The following CFTR variants were observed in gnomAD, a reference collection of about 807,000 sequenced individuals.
The protein encoded by CFTR is cystic fibrosis transmembrane conductance regulator.
Under a neutral mutation model 171.6 loss-of-function variants are expected in CFTR, and 181 were observed. The observed-to-expected ratio is 1.05, with a 90% CI of 0.93 to 1.19. The LOEUF (loss-of-function observed/expected upper bound fraction) is 1.19. Among genes scored for constraint, CFTR ranks in the 50% most tolerant of loss-of-function variants. The probability of loss-of-function intolerance (pLI) is 0.00; values close to 1 mark genes in which losing one functional copy is unlikely to be tolerated. For missense variants in CFTR, 1,968 were observed against 1,734.7 expected (o/e 1.13, Z -2.39); for synonymous variants, 583 against 608.0 (o/e 0.96, Z 0.60).
At chr7:117,528,046 C>G (rs984932382) in intron 3 of CFTR, among the ~76,000 whole-genome samples, 1 of 135,372 alleles carries the variant, frequency 7.4e-6, no homozygotes, top group Non-Finnish European at 1.6e-5. Context: ...AAAAAGAGCC[C>G]GCATCGCCAA....
chr7:117,656,156 A>C (rs1012228546), intron 24 of CFTR, among the ~76,000 whole-genome samples: 2 of 152,138 alleles, frequency 1.3e-5, no homozygotes, highest in African/African-American at 4.8e-5. Context: ...CGACTCCACT[A>C]TACTGGGATT....
intron 21 of CFTR, among the ~76,000 whole-genome samples, chr7:117,619,986 G>A (rs1240920779): frequency 6.6e-6 from 1 of 152,170 alleles, no homozygotes; most frequent in Non-Finnish European, 1.5e-5. Flanking sequence ...GGGGAACCTG[G>A]CTTTTCTGCA....
At chr7:117,548,862 G>T in intron 10 of CFTR, 39 bp downstream of exon 10, 1 of 1,580,528 alleles carries the variant, frequency 6.3e-7, no homozygotes, top group South Asian at 1.1e-5. Flanking sequence ...ACTTAATTTG[G>T]TGTCCATGTC....
rs1798848823 is a variant in CFTR at position 117,530,909 on chromosome 7, A to G, written c.284A>G (p.Lys95Arg). 1.2e-6 allele frequency: 2 copies of G among 1,611,296 alleles called. No homozygotes were observed. Among genetic ancestry groups the G allele is most frequent in the Non-Finnish European group, 1.7e-6 (2 of 1,177,904 alleles). The change falls in exon 4 of 27, where the codon AAA (lysine) becomes AGA (arginine). Residue 95 changes from lysine (K) to arginine (R), a missense_variant. Lys to Arg is a conservative substitution (Grantham distance 26). Coordinates refer to ENST00000003084, the MANE Select transcript of CFTR (RefSeq NM_000492.4). ...GIFLYLGEVT[K>R]AVQPLLLGRI... ...TTTCCCCTTTTGTAGGAAGTCACCA[A>G]AGCAGTACAGCCTCTCTTACTGGGA...
At chr7:117,621,541 A>T (rs912017500) in intron 21 of CFTR, among the ~76,000 whole-genome samples, 1 of 152,198 alleles carries the variant, frequency 6.6e-6, no homozygotes, top group Non-Finnish European at 1.5e-5. Context: ...GACCACCAGC[A>T]AATGATTTTT....
chr7:117,513,437 G>GAA lies in CFTR; in HGVS notation c.273+4308_273+4309dup, dbSNP rs11393719. On this transcript the variant is annotated intron_variant, in intron 3 of 26. Transcript: ENST00000003084. ...TTCTCAGTTAATCTCTCCTAGATTT[G>GAA]AAAAAAAAAAAAAAGGTCTAGAAAG... 5.6e-3 allele frequency among the ~76,000 whole-genome samples: 759 copies of GAA among 135,514 alleles called. 4 individuals carry two copies. The highest frequency in any genetic ancestry group is 0.013 in the African/African-American group (494 of 37,326). The allele number at this position is 135,514 out of a possible 152,430, so 88.9% of individuals were successfully genotyped here. A position where few individuals can be genotyped will look rare whatever the true frequency, so the allele number is the denominator to read the frequency against.
At position 117,611,697 on chromosome 7, in the gene CFTR, A is replaced by T. The variant is rs373043500; in HGVS notation, c.3256A>T (p.Thr1086Ser). The T allele has an allele frequency of 1.5e-5, 24 of 1,613,426 alleles. No homozygotes were observed. Among genetic ancestry groups the T allele is most frequent in the Non-Finnish European group, 2.0e-5 (24 of 1,179,704 alleles). The change falls in exon 20 of 27, where the codon ACT (threonine) becomes TCT (serine). Residue 1086 changes from threonine to serine, a missense_variant. Thr to Ser is a moderately conservative substitution (Grantham distance 58). Coordinates refer to ENST00000003084, the MANE Select transcript of CFTR (RefSeq NM_000492.4). ...TLFHKALNLH[T>S]ANWFLYLSTL... Reference sequence around the variant, plus strand: ...GTTCCACAAAGCTCTGAATTTACATACTGCCAACTGGTTCTTGTACCTGTC... The same window carrying T: ...GTTCCACAAAGCTCTGAATTTACATTCTGCCAACTGGTTCTTGTACCTGTC...
intron 1 of CFTR, among the ~76,000 whole-genome samples, chr7:117,498,921 C>T (rs1411495706): frequency 6.7e-6 from 1 of 149,462 alleles, no homozygotes; most frequent in Non-Finnish European, 1.5e-5. Context: ...TTGAATTTGT[C>T]TACACAAACT....
chr7:117,600,968 T>C (rs1025582205), intron 15 of CFTR, among the ~76,000 whole-genome samples: 1 of 152,068 alleles, frequency 6.6e-6, no homozygotes, highest in African/African-American at 2.4e-5. Context: ...GGTAGTTCTA[T>C]GTGGAAACCG....
chr7:117,587,983 A>G, intron 12 of CFTR, 150 bp downstream of exon 12: 3 of 644,042 alleles, frequency 4.7e-6, no homozygotes, highest in Non-Finnish European at 8.4e-6. Context: ...AATCACATTT[A>G]AGAACTATAA....
At chr7:117,611,358 A>C (rs966768923) in intron 19 of CFTR, among the ~76,000 whole-genome samples, 2 of 152,128 alleles carry the variant, frequency 1.3e-5, no homozygotes, top group Non-Finnish European at 2.9e-5. Flanking sequence ...GTAATTTTTT[A>C]AGTTCCCATC....
At chr7:117,483,488 C>T (rs1798028198) in intron 1 of CFTR, among the ~76,000 whole-genome samples, 1 of 152,108 alleles carries the variant, frequency 6.6e-6, no homozygotes. Context: ...CCTTTGTTAA[C>T]AGCCAAGTGC....
At position 117,534,046 on chromosome 7, in the gene CFTR, C is replaced by T. The variant is rs571233099; in HGVS notation, c.490-230C>T. 3.0e-4 allele frequency among the ~76,000 whole-genome samples: 46 copies of T among 152,018 alleles called. No individual in the cohort carries two copies. Among genetic ancestry groups the T allele is most frequent in the African/African-American group, 1.0e-3 (42 of 41,482 alleles). ...TGAGGAGAAAAAATAATTATTTCTG[C>T]CTAGATGCTGGGAAATAAAACAACT... is the stretch of plus-strand genomic sequence containing the variant. On this transcript the variant is annotated intron_variant, in intron 4 of 26. Coordinates refer to ENST00000003084, the MANE Select transcript of CFTR (RefSeq NM_000492.4).
chr7:117,555,207 C>T (rs1799332434), intron 10 of CFTR, among the ~76,000 whole-genome samples: 1 of 152,024 alleles, frequency 6.6e-6, no homozygotes, highest in Admixed American at 6.5e-5. Context: ...TCATTTGCTA[C>T]TATAAAATAT....
intron 26 of CFTR, among the ~76,000 whole-genome samples, chr7:117,666,028 A>G (rs138462670): frequency 5.1e-4 from 78 of 152,252 alleles, no homozygotes; most frequent in African/African-American, 1.9e-3. Context: ...GGGTTCAGGT[A>G]GTACCTTTCT....
At chr7:117,547,044 AAC>A (rs1478748362) in intron 9 of CFTR, among the ~76,000 whole-genome samples, 2 of 152,220 alleles carry the variant, frequency 1.3e-5, no homozygotes, top group African/African-American at 4.8e-5. Flanking sequence ...AGTAGTTTCT[AAC>A]ACAGAGATTA....
intron 10 of CFTR, among the ~76,000 whole-genome samples, chr7:117,553,670 T>A (rs758255326): frequency 3.3e-5 from 5 of 152,186 alleles, no homozygotes; most frequent in Non-Finnish European, 5.9e-5. Flanking sequence ...TAAAATATCA[T>A]TTCAACTTAT....
intron 11 of CFTR, among the ~76,000 whole-genome samples, chr7:117,571,883 A>G (rs1347922646): frequency 6.6e-6 from 1 of 152,196 alleles, no homozygotes; most frequent in Admixed American, 6.5e-5. Flanking sequence ...AACATCCATT[A>G]TATTAGTGCT....
intron 3 of CFTR, among the ~76,000 whole-genome samples, chr7:117,519,851 TA>T (rs1444623483): frequency 6.6e-6 from 1 of 151,956 alleles, no homozygotes; most frequent in African/African-American, 2.4e-5. Flanking sequence ...TTTATTACTA[TA>T]AAAGGTCCTT....
Sources: gnomAD v4.1 joint callset for allele counts (sites outside exome capture counted in the v4.1 genomes callset) on GRCh38, gnomAD v4.1.1 for gene constraint, MANE v1.5 for transcripts, NCBI Gene and HGNC (gene_info 2026-07-23, HGNC 2026-07-21) for gene names.